Variants in ALX4 observed in about 807,000 individuals in gnomAD.
ALX4 encodes ALX homeobox 4, also known as homeobox protein aristaless-like 4.
In ALX4, 22 loss-of-function variants were observed where a neutral mutation model predicts 40.6. The ratio of observed to expected loss-of-function variants is 0.54; its 90% CI spans 0.39 to 0.77. The LOEUF is 0.77. Among genes scored for constraint, ALX4 ranks in the 30% least tolerant of loss-of-function variants. ALX4 has a pLI of 0.00. For synonymous variants in ALX4, 266 were observed against 240.5 expected (o/e 1.11, Z -0.98); for missense variants, 556 against 564.8 (o/e 0.98, Z 0.16).
chr11:44,288,314 T>C (rs1156758406), intron 1 of ALX4, among the ~76,000 whole-genome samples: 1 of 152,200 alleles, frequency 6.6e-6, no homozygotes, highest in Non-Finnish European at 1.5e-5. Flanking sequence ...AATGCAAATA[T>C]GGCAAAACAT....
In ALX4 at chr11:44,303,359, T is replaced by C. The variant is rs1336822959; in HGVS notation, c.466+6238A>G. Among the ~76,000 whole-genome samples the C allele has an allele frequency of 7.9e-5, 12 of 152,078 alleles. No homozygotes were observed. In the East Asian group the frequency reaches 2.1e-3, roughly 27 times the overall value. ...GTGCCCAGCAGCCTTGACCAAGCGG[T>C]CCCGAGTACAAGCGGCGCCTTCACC... is the stretch of plus-strand genomic sequence containing the variant. On this transcript the variant is annotated intron_variant, in intron 1 of 3. Coordinates refer to ENST00000652299, the MANE Select transcript of ALX4 (RefSeq NM_021926.4).
At chr11:44,274,405 G>A (rs1341584292) in intron 2 of ALX4, among the ~76,000 whole-genome samples, 1 of 151,646 alleles carries the variant, frequency 6.6e-6, no homozygotes, top group African/African-American at 2.4e-5. Context: ...GTTGGGTTGA[G>A]TTGAGTTCTA....
chr11:44,310,004 T>C lies in ALX4; in HGVS notation c.59A>G (p.Tyr20Cys). The C allele has an allele frequency of 6.2e-7, 1 of 1,603,788 alleles. No homozygotes were observed. Among genetic ancestry groups the C allele is most frequent in the Non-Finnish European group, 8.5e-7 (1 of 1,175,458 alleles). ...CESPAAAMDA[Y>C]YSPVSQSREG... is the part of the protein sequence containing the mutation. Reference sequence around the variant, plus strand: ...CCGACTCTGCGACACCGGGCTGTAGTAGGCGTCCATGGCAGCGGCCGGCGA... The same window carrying C: ...CCGACTCTGCGACACCGGGCTGTAGCAGGCGTCCATGGCAGCGGCCGGCGA... The change falls in exon 1 of 4, where the codon TAC (tyrosine) becomes TGC (cysteine). Residue 20 changes from tyrosine (Y) to cysteine (C), a missense_variant. Transcript: ENST00000652299.
chr11:44,271,317 T>G (rs1956246004), intron 2 of ALX4, among the ~76,000 whole-genome samples: 1 of 152,236 alleles, frequency 6.6e-6, no homozygotes, highest in African/African-American at 2.4e-5. Context: ...AGGCTGCGAC[T>G]CAGGAGTCCC....
chr11:44,275,326 C>A (rs1464227343), intron 2 of ALX4, 22 bp downstream of exon 2: 13 of 1,614,026 alleles, frequency 8.1e-6, no homozygotes, highest in Non-Finnish European at 1.1e-5. Flanking sequence ...ACCAGCCTCA[C>A]TCCCAGGTGG....
Position 44,263,780 on chromosome 11 carries a change from C to T in ALX4, c.*1074G>A, listed in dbSNP as rs1195955630. The T allele has an allele frequency of 6.6e-6, 1 of 152,408 alleles. No homozygotes were observed. The highest frequency in any genetic ancestry group is 2.4e-5 in the African/African-American group (1 of 41,480). 9.4% of individuals were successfully genotyped at this position (152,408 alleles called of 1,614,324 possible). A position where few individuals can be genotyped will look rare whatever the true frequency, so the allele number is the denominator to read the frequency against. ...CAGCTTTTGACCCTCTGCCACCCGG[C>T]CCCCAAGCTCTAGCTTATGTGTTCC... On this transcript the variant is annotated 3_prime_UTR_variant, in exon 4 of 4. Coordinates refer to ENST00000652299, the MANE Select transcript of ALX4 (RefSeq NM_021926.4).
intron 2 of ALX4, among the ~76,000 whole-genome samples, chr11:44,271,697 A>AGT (rs138244009): frequency 3.3e-5 from 5 of 152,140 alleles, no homozygotes; most frequent in South Asian, 4.2e-4. Flanking sequence ...AGTAGGTATA[A>AGT]GTGTGTGTGT....
intron 2 of ALX4, among the ~76,000 whole-genome samples, chr11:44,270,875 G>A (rs1172817038): frequency 1.3e-5 from 2 of 152,208 alleles, no homozygotes; most frequent in Non-Finnish European, 2.9e-5. Context: ...CCCATCTGGG[G>A]CCAGGGCGGG....
intron 2 of ALX4, among the ~76,000 whole-genome samples, chr11:44,270,338 TG>T (rs1403132648): frequency 6.8e-6 from 1 of 147,814 alleles, no homozygotes; most frequent in Non-Finnish European, 1.5e-5. Flanking sequence ...AAGATGGAAA[TG>T]GTGAGAGGCG....
intron 2 of ALX4, 115 bp downstream of exon 2, chr11:44,275,233 G>A: frequency 9.0e-7 from 1 of 1,105,920 alleles, no homozygotes; most frequent in Non-Finnish European, 1.4e-6. Flanking sequence ...TCAATGAACT[G>A]AGGAAAGGAA....
At chr11:44,265,821 C>T (rs1429037235) in intron 3 of ALX4, among the ~76,000 whole-genome samples, 6 of 152,178 alleles carry the variant, frequency 3.9e-5, no homozygotes, top group East Asian at 3.9e-4. Flanking sequence ...CGGACCTCCT[C>T]GTGCCAAAGG....
chr11:44,288,114 C>T (rs927014412), intron 1 of ALX4, among the ~76,000 whole-genome samples: 8 of 152,194 alleles, frequency 5.3e-5, no homozygotes, highest in African/African-American at 1.7e-4. Flanking sequence ...TCTCGAACTC[C>T]TGACCTCAGG....
chr11:44,269,279 A>C (rs1166480731), intron 2 of ALX4, among the ~76,000 whole-genome samples: 1 of 152,272 alleles, frequency 6.6e-6, no homozygotes, highest in African/African-American at 2.4e-5. Context: ...TCATAGTCGC[A>C]GCAGGGGAGA....
chr11:44,290,070 T>G (rs905828200), intron 1 of ALX4, among the ~76,000 whole-genome samples: 2 of 152,210 alleles, frequency 1.3e-5, no homozygotes, highest in Non-Finnish European at 2.9e-5. Context: ...ACCCTGCACC[T>G]CCTGCATCCA....
intron 1 of ALX4, among the ~76,000 whole-genome samples, chr11:44,276,291 C>T (rs1463649854): frequency 6.6e-6 from 1 of 152,240 alleles, no homozygotes; most frequent in African/African-American, 2.4e-5. Context: ...AGAGAAGGGT[C>T]TTTCTTCCTT....
chr11:44,290,264 C>A (rs529152386), intron 1 of ALX4, among the ~76,000 whole-genome samples: 2 of 152,226 alleles, frequency 1.3e-5, no homozygotes, highest in African/African-American at 4.8e-5. Context: ...CAGAGGCTGG[C>A]GAGATGGAGG....
At chr11:44,274,341 G>A (rs1451379815) in intron 2 of ALX4, among the ~76,000 whole-genome samples, 1 of 151,930 alleles carries the variant, frequency 6.6e-6, no homozygotes. Flanking sequence ...ATTGGGTTGT[G>A]TTGTGTTGGA....
intron 1 of ALX4, among the ~76,000 whole-genome samples, chr11:44,302,606 G>A (rs1347032184): frequency 6.6e-6 from 1 of 152,222 alleles, no homozygotes; most frequent in Non-Finnish European, 1.5e-5. Flanking sequence ...TAGGGAAGAT[G>A]AGTGGACACA....
chr11:44,308,590 A>C (rs892295701), intron 1 of ALX4, among the ~76,000 whole-genome samples: 2 of 152,208 alleles, frequency 1.3e-5, no homozygotes, highest in Non-Finnish European at 2.9e-5. Flanking sequence ...GAGAAGGCCT[A>C]GGCTACTGAG....
Sources: allele counts gnomAD v4.1 joint callset (sites outside exome capture counted in the v4.1 genomes callset), GRCh38; gene constraint gnomAD v4.1.1; transcripts MANE v1.5; gene names NCBI Gene and HGNC (gene_info 2026-07-23, HGNC 2026-07-21).